INPP4B: variants seen among roughly 807,000 people sequenced by gnomAD.
INPP4B encodes the protein inositol polyphosphate 4-phosphatase type II.
Under a neutral mutation model 122.5 loss-of-function variants are expected in INPP4B, and 55 were observed. The observed-to-expected ratio is 0.45, with a 90% CI of 0.36 to 0.56. INPP4B has a LOEUF of 0.56. INPP4B is among the 20% of genes least tolerant of loss of function. The pLI is 0.00. For missense variants in INPP4B, 1,000 were observed against 1,097.7 expected (o/e 0.91, Z 1.26); for synonymous variants, 403 against 388.7 (o/e 1.04, Z -0.43).
chr4:142,527,209 C>G (rs185506995), intron 2 of INPP4B, among the ~76,000 whole-genome samples: 5 of 150,858 alleles, frequency 3.3e-5, no homozygotes, highest in Non-Finnish European at 7.4e-5. Context: ...AATTCCCCAT[C>G]ATAAGTAATA....
chr4:142,436,024 G>A (rs1168615205), intron 3 of INPP4B, among the ~76,000 whole-genome samples: 1 of 152,206 alleles, frequency 6.6e-6, no homozygotes, highest in Non-Finnish European at 1.5e-5. Context: ...GTGGGGAAGG[G>A]CGGCAGCTAT....
At chr4:142,284,361 GAGAT>G (rs1267811600) in intron 9 of INPP4B, among the ~76,000 whole-genome samples, 1 of 152,108 alleles carries the variant, frequency 6.6e-6, no homozygotes, top group African/African-American at 2.4e-5. Flanking sequence ...TAAGTGAGAA[GAGAT>G]AGAATCTAAA....
intron 22 of INPP4B, among the ~76,000 whole-genome samples, chr4:142,110,795 A>C (rs907261303): frequency 6.6e-6 from 1 of 152,200 alleles, no homozygotes; most frequent in African/African-American, 2.4e-5. Context: ...CTGACAACTA[A>C]AACAATCACA....
chr4:142,582,982 A>G (rs1185103286), intron 2 of INPP4B, among the ~76,000 whole-genome samples: 1 of 152,140 alleles, frequency 6.6e-6, no homozygotes, highest in Non-Finnish European at 1.5e-5. Flanking sequence ...ATTGAGTTTT[A>G]TATATGAAAT....
intron 2 of INPP4B, among the ~76,000 whole-genome samples, chr4:142,500,447 CTT>C (rs1224427209): frequency 2.0e-5 from 3 of 152,180 alleles, no homozygotes; most frequent in Non-Finnish European, 4.4e-5. Flanking sequence ...ATGTAAGTCT[CTT>C]TTAGCTTCTT....
chr4:142,057,991 C>T (rs529235295), intron 25 of INPP4B, among the ~76,000 whole-genome samples: 263 of 152,152 alleles, frequency 1.7e-3, no homozygotes, highest in African/African-American at 5.8e-3. Context: ...CTTGCATTTT[C>T]GCCATTTTGT....
intron 9 of INPP4B, among the ~76,000 whole-genome samples, chr4:142,277,913 G>T (rs1357392597): frequency 6.6e-6 from 1 of 151,816 alleles, no homozygotes; most frequent in Non-Finnish European, 1.5e-5. Context: ...TGGGGGAAAG[G>T]GTAAGAGGGG....
At chr4:142,110,639 T>G (rs1354549125) in intron 22 of INPP4B, among the ~76,000 whole-genome samples, 1 of 152,164 alleles carries the variant, frequency 6.6e-6, no homozygotes, top group Non-Finnish European at 1.5e-5. Flanking sequence ...TCAGGCCTCC[T>G]GCTTCTCTCA....
intron 15 of INPP4B, among the ~76,000 whole-genome samples, chr4:142,177,052 T>C (rs1262359474): frequency 6.6e-6 from 1 of 152,200 alleles, no homozygotes; most frequent in Non-Finnish European, 1.5e-5. Flanking sequence ...CAATACATTC[T>C]TCAATCACCA....
chr4:142,710,935 GTC>G (rs1185544533), intron 2 of INPP4B, among the ~76,000 whole-genome samples: 3 of 152,134 alleles, frequency 2.0e-5, no homozygotes, highest in Non-Finnish European at 4.4e-5. Context: ...GTTCCTTGGT[GTC>G]TCTCCCTGAC....
intron 1 of INPP4B, among the ~76,000 whole-genome samples, chr4:142,789,333 C>T (rs992941509): frequency 1.3e-5 from 2 of 152,006 alleles, no homozygotes; most frequent in Non-Finnish European, 2.9e-5. Context: ...ACTAGAAAAC[C>T]ATAAACACTC....
At chr4:142,150,168 T>C (rs1348524631) in intron 17 of INPP4B, among the ~76,000 whole-genome samples, 1 of 152,204 alleles carries the variant, frequency 6.6e-6, no homozygotes, top group Non-Finnish European at 1.5e-5. Context: ...AGATTGCTGG[T>C]ATGAGGCTAG....
chr4:142,653,448 G>A (rs1206252741), intron 2 of INPP4B, among the ~76,000 whole-genome samples: 1 of 152,116 alleles, frequency 6.6e-6, no homozygotes, highest in Non-Finnish European at 1.5e-5. Context: ...CCTACTGAAT[G>A]GGAGAAAATT....
intron 9 of INPP4B, among the ~76,000 whole-genome samples, chr4:142,303,595 T>C (rs115257485): frequency 0.01 from 1,541 of 152,162 alleles, 14 homozygotes; most frequent in African/African-American, 0.032. Context: ...ATCAAGAGGC[T>C]ACGATAAATC....
chr4:142,191,820 A>G (rs1029703519), intron 15 of INPP4B, among the ~76,000 whole-genome samples: 2 of 152,190 alleles, frequency 1.3e-5, no homozygotes, highest in Non-Finnish European at 2.9e-5. Context: ...ACAAAAAACT[A>G]GAAAAATCAG....
intron 2 of INPP4B, among the ~76,000 whole-genome samples, chr4:142,626,209 C>T (rs1746355364): frequency 6.6e-6 from 1 of 151,868 alleles, no homozygotes; most frequent in African/African-American, 2.4e-5. Flanking sequence ...CTACAAAATT[C>T]ACTCCTTTTG....
At chr4:142,077,628 CTT>C (rs1225368788) in intron 25 of INPP4B, among the ~76,000 whole-genome samples, 1 of 151,616 alleles carries the variant, frequency 6.6e-6, no homozygotes, top group African/African-American at 2.4e-5. Context: ...CAAGACAGCT[CTT>C]AGCATTCCAT....
At chr4:142,447,352 C>T (rs1485363543) in intron 3 of INPP4B, among the ~76,000 whole-genome samples, 1 of 152,114 alleles carries the variant, frequency 6.6e-6, no homozygotes, top group East Asian at 1.9e-4. Context: ...GAGTGAAGCA[C>T]AGAATGTAGC....
At chr4:142,335,660 G>A (rs763642894) in intron 7 of INPP4B, among the ~76,000 whole-genome samples, 1 of 152,186 alleles carries the variant, frequency 6.6e-6, no homozygotes, top group Non-Finnish European at 1.5e-5. Context: ...TTAGGAGATA[G>A]GCAGAGTCAA....
Sources: gnomAD v4.1 joint callset for allele counts (sites outside exome capture counted in the v4.1 genomes callset) on GRCh38, gnomAD v4.1.1 for gene constraint, MANE v1.5 for transcripts, NCBI Gene and HGNC (gene_info 2026-07-23, HGNC 2026-07-21) for gene names.